FAT4: variants seen among roughly 807,000 people sequenced by gnomAD.
FAT4 encodes the protein protocadherin Fat 4.
In FAT4, 84 loss-of-function variants were observed where a neutral mutation model predicts 303.9. That is an observed-to-expected ratio of 0.28 (90% CI 0.23 to 0.33). The LOEUF is 0.33. Ranked by LOEUF, FAT4 falls within the 10% of genes least tolerant of loss-of-function variation. The pLI is 1.00. For missense variants in FAT4, 6,005 were observed against 6,146.8 expected, an observed-to-expected ratio of 0.98 and a Z score of 0.77; for synonymous variants, 2,307 against 2,298.8, an observed-to-expected ratio of 1.00 and a Z score of -0.10.
At position 125,449,287 on chromosome 4, in the gene FAT4, A is replaced by G. The variant is rs1725952006; in HGVS notation, c.8277A>G (p.Val2759=). The stretch of plus-strand genomic sequence containing the variant: ...GGTCCCCGTCTCAGAGTACTTCAGT[A>G]AAAGTCATGATTAACATTTTAGATG... ...DKGSPSQSTS[V]KVMINILDEN... The change falls in exon 10 of 18, where the codon GTA becomes GTG. Residue 2759 remains valine, a synonymous_variant. Coordinates refer to ENST00000394329, the MANE Select transcript of FAT4 (RefSeq NM_001291303.3). 2 of 1,613,882 alleles carry G rather than the reference A, an allele frequency of 1.2e-6. No homozygotes were observed. The highest frequency in any genetic ancestry group is 2.2e-5 in the South Asian group (2 of 91,072).
intron 2 of FAT4, among the ~76,000 whole-genome samples, chr4:125,373,747 AG>A (rs1214773686): frequency 8.5e-5 from 13 of 152,158 alleles, no homozygotes; most frequent in Non-Finnish European, 7.4e-5. Flanking sequence ...GGGCACAGGG[AG>A]GCAAAACAAT....
chr4:125,454,812 C>A (rs1006894783), intron 10 of FAT4, among the ~76,000 whole-genome samples: 1 of 152,022 alleles, frequency 6.6e-6, no homozygotes, highest in Non-Finnish European at 1.5e-5. Flanking sequence ...CAGCCCAGGC[C>A]GACAACAGTA....
intron 11 of FAT4, among the ~76,000 whole-genome samples, chr4:125,464,409 T>C (rs899769643): frequency 6.6e-6 from 1 of 152,148 alleles, no homozygotes; most frequent in Admixed American, 6.6e-5. Context: ...GTTTCATAAG[T>C]TTGTGATTAT....
At chr4:125,409,274 G>A (rs1332750195) in intron 5 of FAT4, among the ~76,000 whole-genome samples, 1 of 132,962 alleles carries the variant, frequency 7.5e-6, no homozygotes. Context: ...TTTTTTTTTT[G>A]AGACAGAGTT....
chr4:125,470,679 G>T (rs567888828), intron 12 of FAT4, among the ~76,000 whole-genome samples: 1 of 152,336 alleles, frequency 6.6e-6, no homozygotes, highest in East Asian at 1.9e-4. Context: ...TGCAATGGAA[G>T]AGAGTTAGTG....
At chr4:125,373,275 A>T (rs1009079518) in intron 2 of FAT4, among the ~76,000 whole-genome samples, 3 of 152,132 alleles carry the variant, frequency 2.0e-5, no homozygotes, top group Non-Finnish European at 2.9e-5. Context: ...GCCATGATGC[A>T]GGTTTCACAT....
chr4:125,491,499 T>A lies in FAT4; in HGVS notation c.14683T>A (p.Tyr4895Asn), dbSNP rs752188236. Residue 4895 changes from tyrosine (Y) to asparagine (N), a missense_variant, in exon 18 of 18, where the codon TAC (tyrosine) becomes AAC (asparagine). Tyr to Asn is a moderately radical substitution (Grantham distance 143, BLOSUM62 -2). Coordinates refer to ENST00000394329, the MANE Select transcript of FAT4 (RefSeq NM_001291303.3). ...TGGAGCCAGACTGAAGCCTCGAAGGTACCACGGTCGCAGGGCCGAGGGAGG... is the reference window on the plus strand; with the variant it reads ...TGGAGCCAGACTGAAGCCTCGAAGGAACCACGGTCGCAGGGCCGAGGGAGG... ...NYGARLKPRR[Y>N]HGRRAEGGPV... 6.2e-7 allele frequency: 1 copy of A among 1,614,120 alleles called. No individual in the cohort carries two copies. The highest frequency in any genetic ancestry group is 1.1e-5 in the South Asian group (1 of 91,082).
intron 12 of FAT4, among the ~76,000 whole-genome samples, chr4:125,473,991 A>C (rs2126081156): frequency 6.6e-6 from 1 of 152,196 alleles, no homozygotes; most frequent in South Asian, 2.1e-4. Flanking sequence ...CAAAATCATT[A>C]ACCTCTAAGC....
chr4:125,438,820 A>C (rs1329091967), intron 8 of FAT4, among the ~76,000 whole-genome samples: 1 of 152,118 alleles, frequency 6.6e-6, no homozygotes, highest in African/African-American at 2.4e-5. Context: ...CCTGAAGAAA[A>C]TCTATTCTTT....
At chr4:125,323,914 T>C (rs963842984) in intron 2 of FAT4, among the ~76,000 whole-genome samples, 2 of 152,194 alleles carry the variant, frequency 1.3e-5, no homozygotes, top group Non-Finnish European at 2.9e-5. Context: ...TCACATTCCA[T>C]GGGCAGGCAG....
chr4:125,340,518 C>G (rs1392819741), intron 2 of FAT4, among the ~76,000 whole-genome samples: 1 of 152,122 alleles, frequency 6.6e-6, no homozygotes, highest in African/African-American at 2.4e-5. Context: ...TCTGGAGAAG[C>G]TGGGACTACA....
At chr4:125,328,373 G>A (rs898758946) in intron 2 of FAT4, among the ~76,000 whole-genome samples, 20 of 152,182 alleles carry the variant, frequency 1.3e-4, no homozygotes, top group African/African-American at 4.6e-4. Flanking sequence ...ATTAAGTCAT[G>A]AAGAGGAAAC....
intron 2 of FAT4, among the ~76,000 whole-genome samples, chr4:125,364,977 G>T (rs1167365789): frequency 6.6e-6 from 1 of 152,096 alleles, no homozygotes; most frequent in East Asian, 1.9e-4. Flanking sequence ...GAGAACTTGG[G>T]GCCCTGGACT....
At chr4:125,339,930 AT>A (rs1731719828) in intron 2 of FAT4, among the ~76,000 whole-genome samples, 1 of 152,174 alleles carries the variant, frequency 6.6e-6, no homozygotes, top group South Asian at 2.1e-4. Flanking sequence ...GTATAATTGT[AT>A]AATTGTATAT....
At chr4:125,366,529 G>T (rs867401978) in intron 2 of FAT4, among the ~76,000 whole-genome samples, 1 of 152,068 alleles carries the variant, frequency 6.6e-6, no homozygotes, top group Non-Finnish European at 1.5e-5. Flanking sequence ...TTGATTCCAC[G>T]TCTTTGCCAT....
chr4:125,370,530 G>A (rs539870928), intron 2 of FAT4, among the ~76,000 whole-genome samples: 2 of 152,264 alleles, frequency 1.3e-5, no homozygotes, highest in South Asian at 4.1e-4. Flanking sequence ...TCAGCCATTT[G>A]AAAACAGTGT....
chr4:125,428,390 T>A (rs2126039015), intron 7 of FAT4, among the ~76,000 whole-genome samples: 1 of 152,336 alleles, frequency 6.6e-6, no homozygotes, highest in Non-Finnish European at 1.5e-5. Context: ...TGCTAGTTAT[T>A]AGTTTAATGG....
At chr4:125,440,608 T>TGAGA (rs766978076) in intron 8 of FAT4, among the ~76,000 whole-genome samples, 444 of 57,258 alleles carry the variant, frequency 7.8e-3, no homozygotes, top group South Asian at 0.016. Flanking sequence ...TGTGTGTGTG[T>TGAGA]GTGAGAGAGA....
In FAT4 at chr4:125,415,588, G is replaced by A; in HGVS notation, c.6625G>A (p.Gly2209Ser). Residue 2209 changes from glycine to serine, a missense_variant, in exon 6 of 18, where the codon GGT (glycine) becomes AGT (serine). Transcript: ENST00000394329. ...NQEFRIDSVT[G>S]AITVAKPLDR... ...GGAATTTCGGATAGACTCTGTCACA[G>A]GTGCCATCACTGTCGCTAAACCTTT... 1 of 1,614,034 alleles carries A rather than the reference G, an allele frequency of 6.2e-7. No individual in the cohort carries two copies. The highest frequency in any genetic ancestry group is 8.5e-7 in the Non-Finnish European group (1 of 1,179,976).
Sources: gnomAD v4.1 joint callset for allele counts (sites outside exome capture counted in the v4.1 genomes callset) on GRCh38, gnomAD v4.1.1 for gene constraint, MANE v1.5 for transcripts, NCBI Gene and HGNC (gene_info 2026-07-23, HGNC 2026-07-21) for gene names.